C12orf75: variants seen among roughly 807,000 people sequenced by gnomAD.
C12orf75 encodes chromosome 12 open reading frame 75, also known as overexpressed in colon carcinoma 1 protein.
A neutral mutation model predicts 11.4 loss-of-function variants in C12orf75; 4 were observed. The ratio of observed to expected loss-of-function variants is 0.35; its 90% CI spans 0.17 to 0.80. The LOEUF (loss-of-function observed/expected upper bound fraction) is 0.80. Among genes scored for constraint, C12orf75 ranks in the 30% least tolerant of loss-of-function variants. The probability of loss-of-function intolerance (pLI) is 0.52; values close to 1 mark genes in which losing one functional copy is unlikely to be tolerated. For synonymous variants in C12orf75, 30 were observed against 30.0 expected (o/e 1.00, Z 0.00); for missense variants, 89 against 80.4 (o/e 1.11, Z -0.41).
intron 2 of C12orf75, chr12:105,353,368 C>T (rs1195776859): frequency 3.3e-5 from 5 of 152,222 alleles, no homozygotes; most frequent in Non-Finnish European, 7.3e-5. Context: ...AGTCCTAGGG[C>T]TGGGCTCTCT....
At chr12:105,359,837 C>A (rs1193379562) in intron 2 of C12orf75, among the ~76,000 whole-genome samples, 1 of 151,414 alleles carries the variant, frequency 6.6e-6, no homozygotes, top group African/African-American at 2.4e-5. Flanking sequence ...TGCTGTATGT[C>A]CATTTGCTCC....
intron 2 of C12orf75, among the ~76,000 whole-genome samples, chr12:105,355,179 TC>T (rs66515254): frequency 0.18 from 10,848 of 61,676 alleles, 584 homozygotes; most frequent in Non-Finnish European, 0.3. Flanking sequence ...TTTTTCTTTT[TC>T]TTTTTTTTTT....
chr12:105,359,361 T>C (rs779572944), intron 2 of C12orf75, among the ~76,000 whole-genome samples: 1 of 152,212 alleles, frequency 6.6e-6, no homozygotes, highest in Non-Finnish European at 1.5e-5. Flanking sequence ...GGGGTACTCT[T>C]GTTGCCCCTA....
At chr12:105,352,624 A>G (rs1592881174) in intron 2 of C12orf75, among the ~76,000 whole-genome samples, 1 of 151,926 alleles carries the variant, frequency 6.6e-6, no homozygotes, top group African/African-American at 2.4e-5. Context: ...CTTTTTTTAA[A>G]AATTATTTTT....
chr12:105,339,744 G>A (rs1249696071), intron 1 of C12orf75, among the ~76,000 whole-genome samples: 2 of 151,786 alleles, frequency 1.3e-5, no homozygotes, highest in African/African-American at 4.8e-5. Flanking sequence ...AGCCTCCCGA[G>A]TAGCTGGGAC....
In C12orf75 at chr12:105,344,969, C is replaced by CG. The variant is rs201853548; in HGVS notation, c.47-3633_47-3632insG. Among the ~76,000 whole-genome samples the CG allele has an allele frequency of 2.1e-3, 312 of 148,752 alleles. 2 individuals are homozygous for CG. The highest frequency in any genetic ancestry group is 3.4e-3 in the Non-Finnish European group (229 of 67,006). On this transcript the variant is annotated intron_variant, in intron 1 of 5. Transcript: ENST00000443585. ...ACGTAAGCTGAAAATTCTAAGCCCC[C>CG]CCCCAACCAATTAAATGGACCCCTT...
intron 2 of C12orf75, among the ~76,000 whole-genome samples, chr12:105,359,054 G>A (rs756267585): frequency 6.6e-6 from 1 of 152,110 alleles, no homozygotes; most frequent in African/African-American, 2.4e-5. Context: ...GATGTGCCAC[G>A]TACTTATTTC....
chr12:105,348,504 C>G, intron 1 of C12orf75, 98 bp from the exon 2 acceptor site: 1 of 658,658 alleles, frequency 1.5e-6, no homozygotes, highest in Non-Finnish European at 2.2e-6. Context: ...AACCCATTTT[C>G]TCTTCAGGAA....
At chr12:105,344,389 G>A (rs1892610311) in intron 1 of C12orf75, among the ~76,000 whole-genome samples, 1 of 151,964 alleles carries the variant, frequency 6.6e-6, no homozygotes, top group African/African-American at 2.4e-5. Flanking sequence ...GATGTAGCAG[G>A]GCAGCCTTGG....
At chr12:105,356,439 C>G (rs11112490) in intron 2 of C12orf75, among the ~76,000 whole-genome samples, 25 of 106,336 alleles carry the variant, frequency 2.4e-4, no homozygotes, top group Admixed American at 6.1e-4. Flanking sequence ...AGACTACAGG[C>G]TTTTTTTTTT....
At chr12:105,357,803 TGTGTGAGA>T (rs752614581) in intron 2 of C12orf75, among the ~76,000 whole-genome samples, 2,204 of 147,052 alleles carry the variant, frequency 0.015, 47 homozygotes, top group African/African-American at 0.053. Context: ...TGTGTGTGTG[TGTGTGAGA>T]GAGAGAGAGA....
intron 1 of C12orf75, among the ~76,000 whole-genome samples, chr12:105,344,745 CAAAAAA>C (rs35185869): frequency 4.9e-5 from 5 of 102,586 alleles, no homozygotes; most frequent in Non-Finnish European, 5.9e-5. Flanking sequence ...GACTCTGTGT[CAAAAAA>C]AAAAAAAAAA....
intron 2 of C12orf75, among the ~76,000 whole-genome samples, chr12:105,351,840 TA>T (rs1332246041): frequency 6.6e-6 from 1 of 152,098 alleles, no homozygotes; most frequent in East Asian, 1.9e-4. Context: ...GCAAGGCCAA[TA>T]ATCGTGCTTG....
At chr12:105,330,970 G>A in intron 1 of C12orf75, 33 bp downstream of exon 1, 1 of 1,179,732 alleles carries the variant, frequency 8.5e-7, no homozygotes, top group Non-Finnish European at 1.1e-6. Context: ...GCCGGCGGGG[G>A]CGGGCGGGAG....
At chr12:105,365,191 T>C (rs1871430579) in intron 2 of C12orf75, among the ~76,000 whole-genome samples, 1 of 152,136 alleles carries the variant, frequency 6.6e-6, no homozygotes, top group Admixed American at 6.6e-5. Flanking sequence ...AGTGATCCCC[T>C]CTAAATGTAT....
rs918638105 is a variant in C12orf75 at position 105,371,085 on chromosome 12, C to T, written c.*485C>T. The T allele has an allele frequency of 3.9e-5, 6 of 154,144 alleles. No individual in the cohort carries two copies. The highest frequency in any genetic ancestry group is 8.7e-5 in the Non-Finnish European group (6 of 69,124). The allele number at this position is 154,144 out of a possible 1,614,324, so 9.5% of individuals were successfully genotyped here. A position where few individuals can be genotyped will look rare whatever the true frequency, so the allele number is the denominator to read the frequency against. On this transcript the variant is annotated 3_prime_UTR_variant, in exon 6 of 6. Coordinates refer to ENST00000443585, the MANE Select transcript of C12orf75 (RefSeq NM_001145199.2). ...TGTCTGTTATCTTTTGCTATTTCTA[C>T]TTCACTTTAATTTTTAGCTGTAAAA...
intron 2 of C12orf75, among the ~76,000 whole-genome samples, chr12:105,363,194 C>T (rs1335161353): frequency 6.6e-6 from 1 of 152,240 alleles, no homozygotes; most frequent in Admixed American, 6.5e-5. Flanking sequence ...GCACCTGGTT[C>T]CTCAGGCCTA....
chr12:105,363,894 G>A (rs537423494), intron 2 of C12orf75, among the ~76,000 whole-genome samples: 1 of 152,256 alleles, frequency 6.6e-6, no homozygotes, highest in Admixed American at 6.5e-5. Context: ...TTATAATGGA[G>A]AACACAGATT....
At position 105,358,645 on chromosome 12, in the gene C12orf75, A is replaced by T. The variant is rs531680212; in HGVS notation, c.72-7162A>T. ...TCAAATGTTGCATTACTTTCCACAAATTTTTCAAATGGTATAGATGAGGAG... is the reference window on the plus strand; with the variant it reads ...TCAAATGTTGCATTACTTTCCACAATTTTTTCAAATGGTATAGATGAGGAG... On this transcript the variant is annotated intron_variant, in intron 2 of 5. Coordinates refer to ENST00000443585, the MANE Select transcript of C12orf75 (RefSeq NM_001145199.2). Among the ~76,000 whole-genome samples, 9 of 152,278 alleles carry T rather than the reference A, an allele frequency of 5.9e-5. No homozygotes were observed. The East Asian group carries it at 1.7e-3, about 29-fold the overall frequency.
Sources: gnomAD v4.1 joint callset for allele counts (sites outside exome capture counted in the v4.1 genomes callset) on GRCh38, gnomAD v4.1.1 for gene constraint, MANE v1.5 for transcripts, NCBI Gene and HGNC (gene_info 2026-07-23, HGNC 2026-07-21) for gene names.